PDLIM5: variants seen among roughly 807,000 people sequenced by gnomAD.
PDLIM5 encodes PDZ and LIM domain 5, also known as PDZ and LIM domain protein 5.
In PDLIM5, 34 loss-of-function variants were observed where a neutral mutation model predicts 64.2. The observed-to-expected ratio is 0.53, with a 90% CI of 0.40 to 0.71. The LOEUF is 0.71. PDLIM5 is among the 30% of genes least tolerant of loss of function. The pLI is 0.00. For synonymous variants in PDLIM5, 253 were observed against 269.1 expected (o/e 0.94, Z 0.59); for missense variants, 683 against 733.6 (o/e 0.93, Z 0.80).
intron 2 of PDLIM5, among the ~76,000 whole-genome samples, chr4:94,521,950 T>C (rs1386059961): frequency 6.6e-6 from 1 of 152,208 alleles, no homozygotes; most frequent in East Asian, 1.9e-4. Flanking sequence ...TTTCATTTGC[T>C]GATTTTAGTA....
At chr4:94,562,555 A>G (rs1408728031) in intron 3 of PDLIM5, among the ~76,000 whole-genome samples, 1 of 152,154 alleles carries the variant, frequency 6.6e-6, no homozygotes, top group Non-Finnish European at 1.5e-5. Flanking sequence ...GCATTTAGGA[A>G]CTTTTGTAGC....
intron 3 of PDLIM5, among the ~76,000 whole-genome samples, chr4:94,544,048 G>A (rs79003794): frequency 0.017 from 2,571 of 152,004 alleles, 72 homozygotes; most frequent in African/African-American, 0.059. Context: ...CTAGCAGTAC[G>A]CTAAGGGTTT....
At chr4:94,502,967 C>T (rs1251942331) in intron 2 of PDLIM5, among the ~76,000 whole-genome samples, 1 of 152,126 alleles carries the variant, frequency 6.6e-6, no homozygotes, top group African/African-American at 2.4e-5. Context: ...GTTGCCACTG[C>T]TGTAGGTACT....
intron 7 of PDLIM5, among the ~76,000 whole-genome samples, chr4:94,592,451 A>G (rs1443312349): frequency 6.6e-6 from 1 of 152,206 alleles, no homozygotes; most frequent in Non-Finnish European, 1.5e-5. Context: ...GTTGCTGAGT[A>G]GCCTTTGGAA....
intron 2 of PDLIM5, among the ~76,000 whole-genome samples, chr4:94,500,338 C>G (rs1482128663): frequency 6.6e-6 from 1 of 152,136 alleles, no homozygotes; most frequent in Non-Finnish European, 1.5e-5. Context: ...AAGCTGTGAA[C>G]TTTATTAATA....
chr4:94,463,685 G>A (rs1200827830), intron 2 of PDLIM5, among the ~76,000 whole-genome samples: 1 of 152,194 alleles, frequency 6.6e-6, no homozygotes, highest in Non-Finnish European at 1.5e-5. Context: ...AAATCTGTCT[G>A]TAAGTAGACC....
intron 2 of PDLIM5, among the ~76,000 whole-genome samples, chr4:94,494,908 C>A (rs1477322792): frequency 6.6e-6 from 1 of 151,974 alleles, no homozygotes; most frequent in Non-Finnish European, 1.5e-5. Flanking sequence ...GTCGCCACGC[C>A]CGGATAATTT....
intron 3 of PDLIM5, among the ~76,000 whole-genome samples, chr4:94,557,791 T>A (rs1389682193): frequency 1.3e-5 from 2 of 152,202 alleles, no homozygotes; most frequent in Non-Finnish European, 2.9e-5. Flanking sequence ...GCTTATCAGC[T>A]TAAGGAGATT....
intron 3 of PDLIM5, among the ~76,000 whole-genome samples, chr4:94,555,092 G>T (rs894335552): frequency 1.3e-5 from 2 of 152,060 alleles, no homozygotes; most frequent in Non-Finnish European, 2.9e-5. Context: ...TCACTCTGTT[G>T]CCCCAGCTGG....
At chr4:94,539,860 GGACA>G (rs1731632844) in intron 3 of PDLIM5, among the ~76,000 whole-genome samples, 1 of 152,050 alleles carries the variant, frequency 6.6e-6, no homozygotes, top group Non-Finnish European at 1.5e-5. Context: ...TTTTTTGAGG[GGACA>G]GGAAGAGTTG....
rs1392633730 is a variant in PDLIM5 at position 94,610,224 on chromosome 4, C to T, written c.921-7780C>T. The T allele has an allele frequency of 2.0e-6, 3 of 1,518,832 alleles. No individual in the cohort carries two copies. In the East Asian group the frequency reaches 7.4e-5, roughly 37 times the overall value. 94.1% of individuals were successfully genotyped at this position (1,518,832 alleles called of 1,614,324 possible). On this transcript the variant is annotated intron_variant, in intron 7 of 12. Coordinates refer to ENST00000317968, the MANE Select transcript of PDLIM5 (RefSeq NM_006457.5). ...AAGGTTTTCGAAACTTTTCTACCTT[C>T]TCTTCTCCTGCTAGATATAGTGCTG...
chr4:94,645,378 T>C (rs189225898), intron 9 of PDLIM5, among the ~76,000 whole-genome samples: 1 of 152,344 alleles, frequency 6.6e-6, no homozygotes, highest in Admixed American at 6.5e-5. Context: ...TAAACATGCA[T>C]GTGCAAGTAT....
At chr4:94,593,677 A>G (rs1406082930) in intron 7 of PDLIM5, among the ~76,000 whole-genome samples, 3 of 152,214 alleles carry the variant, frequency 2.0e-5, no homozygotes, top group African/African-American at 7.2e-5. Flanking sequence ...CCAAATAGTC[A>G]CATTGTGGGT....
At chr4:94,587,008 G>C (rs375154089) in intron 7 of PDLIM5, 1 of 1,542,704 alleles carries the variant, frequency 6.5e-7, no homozygotes, top group Non-Finnish European at 8.7e-7. Context: ...ACCCCTTCAC[G>C]TCTTTAGTCC....
At chr4:94,627,442 A>C (rs1739789834) in intron 8 of PDLIM5, among the ~76,000 whole-genome samples, 1 of 152,210 alleles carries the variant, frequency 6.6e-6, no homozygotes, top group Admixed American at 6.5e-5. Flanking sequence ...TTAAAATATT[A>C]AACTTTTTAT....
intron 3 of PDLIM5, among the ~76,000 whole-genome samples, chr4:94,559,229 A>G (rs546373023): frequency 4.6e-5 from 7 of 152,348 alleles, no homozygotes; most frequent in African/African-American, 1.7e-4. Context: ...CATAGGCTAC[A>G]GCAAGTATCT....
chr4:94,575,012 A>C (rs1030128391), intron 4 of PDLIM5, among the ~76,000 whole-genome samples: 1 of 150,354 alleles, frequency 6.7e-6, no homozygotes, highest in African/African-American at 2.4e-5. Flanking sequence ...TTTTTTTTCA[A>C]ATTCTTTAAG....
intron 3 of PDLIM5, among the ~76,000 whole-genome samples, chr4:94,542,572 C>T (rs547247824): frequency 6.6e-6 from 1 of 152,010 alleles, no homozygotes; most frequent in East Asian, 1.9e-4. Flanking sequence ...ATGGACTGCT[C>T]GAGTGGCTAA....
chr4:94,573,315 T>A, intron 3 of PDLIM5, 36 bp from the exon 4 acceptor site: 1 of 1,555,096 alleles, frequency 6.4e-7, no homozygotes, highest in Non-Finnish European at 8.8e-7. Context: ...AAAAATTCAT[T>A]ATTTTTTTTT....
Sources: allele counts gnomAD v4.1 joint callset (sites outside exome capture counted in the v4.1 genomes callset), GRCh38; gene constraint gnomAD v4.1.1; transcripts MANE v1.5; gene names NCBI Gene and HGNC (gene_info 2026-07-23, HGNC 2026-07-21).